Variants in CAMTA1 observed in about 807,000 individuals in gnomAD.
The protein encoded by CAMTA1 is calmodulin-binding transcription activator 1.
In CAMTA1, 27 loss-of-function variants were observed where a neutral mutation model predicts 170.9. That is an observed-to-expected ratio of 0.16 (90% CI 0.12 to 0.22). CAMTA1 has a LOEUF of 0.22. Ranked by LOEUF, CAMTA1 falls within the 10% of genes least tolerant of loss-of-function variation. CAMTA1 has a pLI of 1.00. For synonymous variants in CAMTA1, 833 were observed against 891.5 expected (o/e 0.93, Z 1.17); for missense variants, 1,619 against 2,217.2 (o/e 0.73, Z 5.42).
At chr1:7,071,538 A>G (rs973563490) in intron 3 of CAMTA1, among the ~76,000 whole-genome samples, 2 of 152,236 alleles carry the variant, frequency 1.3e-5, no homozygotes, top group Non-Finnish European at 2.9e-5. Flanking sequence ...TAGTTTTACA[A>G]GGTGATGTGT....
chr1:7,705,916 CG>C (rs2096519226), intron 11 of CAMTA1, among the ~76,000 whole-genome samples: 1 of 152,134 alleles, frequency 6.6e-6, no homozygotes, highest in South Asian at 2.1e-4. Flanking sequence ...GATAGATGCT[CG>C]GGGTGGCCCT....
At chr1:6,845,539 T>A (rs1657757572) in intron 3 of CAMTA1, among the ~76,000 whole-genome samples, 1 of 152,262 alleles carries the variant, frequency 6.6e-6, no homozygotes, top group Non-Finnish European at 1.5e-5. Context: ...GTGGACTTTA[T>A]GATTTGTGAA....
In CAMTA1 at chr1:7,663,480, C is replaced by G. The variant is rs369241461; in HGVS notation, c.933C>G (p.Gly311=). 1 of 1,597,374 alleles carries G rather than the reference C, an allele frequency of 6.3e-7. No homozygotes were observed. Among genetic ancestry groups the G allele is most frequent in the Admixed American group, 1.7e-5 (1 of 59,516 alleles). The part of the protein sequence containing the change: ...SEVQHNDVSE[G]KHEHSHSKGS... ...TGCAGCACAATGACGTGTCGGAGGG[C>G]AAGCACGAGCACAGCCACAGCAAGG... Residue 311 remains glycine, a synonymous_variant, in exon 9 of 23, where the codon GGC becomes GGG. Coordinates refer to ENST00000303635, the MANE Select transcript of CAMTA1 (RefSeq NM_015215.4).
At chr1:6,888,492 A>G (rs1347400400) in intron 3 of CAMTA1, among the ~76,000 whole-genome samples, 3 of 152,246 alleles carry the variant, frequency 2.0e-5, no homozygotes, top group Admixed American at 1.3e-4. Flanking sequence ...ATACTGTAAT[A>G]TCGACATCTA....
chr1:7,037,167 T>A (rs1278513403), intron 3 of CAMTA1, among the ~76,000 whole-genome samples: 1 of 152,254 alleles, frequency 6.6e-6, no homozygotes, highest in East Asian at 1.9e-4. Context: ...CTCATTTGTT[T>A]AGTTCTTTCT....
Position 7,664,484 on chromosome 1 carries a change from C to T in CAMTA1, c.1937C>T (p.Thr646Met), listed in dbSNP as rs747163340. ...TCTGGGGGCACCTTCGTGATGCCCACGGTGAAAACGGAGGCCTCGTCCCAA... is the reference window on the plus strand; with the variant it reads ...TCTGGGGGCACCTTCGTGATGCCCATGGTGAAAACGGAGGCCTCGTCCCAA... ...SDSGGTFVMP[T>M]VKTEASSQTS... The change falls in exon 9 of 23, where the codon ACG becomes ATG. Residue 646 changes from threonine (T) to methionine (M), a missense_variant. Thr to Met is a moderately conservative substitution (Grantham distance 81, BLOSUM62 -1). This residue lies in a region of CAMTA1 where 731 missense variants were observed against 907.6 expected (regional missense o/e 0.81). Coordinates refer to ENST00000303635, the MANE Select transcript of CAMTA1 (RefSeq NM_015215.4). 3 of 1,613,314 alleles carry T rather than the reference C, an allele frequency of 1.9e-6. No homozygotes were observed. The highest frequency in any genetic ancestry group is 2.2e-5 in the East Asian group (1 of 44,874).
At chr1:7,072,714 G>C (rs1274668149) in intron 3 of CAMTA1, among the ~76,000 whole-genome samples, 1 of 152,212 alleles carries the variant, frequency 6.6e-6, no homozygotes, top group Non-Finnish European at 1.5e-5. Context: ...GGGACCATTT[G>C]AGCTGTGACC....
At position 7,064,649 on chromosome 1, in the gene CAMTA1, C is replaced by T. The variant is rs1708729643; in HGVS notation, c.235-26655C>T. Among the ~76,000 whole-genome samples, 1 of 150,350 alleles carries T rather than the reference C, an allele frequency of 6.7e-6. No individual in the cohort carries two copies. Among genetic ancestry groups the T allele is most frequent in the African/African-American group, 2.5e-5 (1 of 40,678 alleles). ...GGATTTTGGGTGAAGAGAACGGCTA[C>T]AGCAAACAGATGGGAAAGACTGAAG... On this transcript the variant is annotated intron_variant, in intron 3 of 22. Coordinates refer to ENST00000303635, the MANE Select transcript of CAMTA1 (RefSeq NM_015215.4). This position sits in a 1 kb window ranked among gnomAD's most constrained non-coding sequence, Gnocchi z 5.4.
intron 5 of CAMTA1, among the ~76,000 whole-genome samples, chr1:7,297,731 C>T (rs1317114553): frequency 2.0e-5 from 3 of 152,218 alleles, no homozygotes; most frequent in Non-Finnish European, 4.4e-5. Context: ...GCTGCTGTGC[C>T]CCATCGTCCT....
chr1:7,545,957 C>CTTTT (rs70987353), intron 6 of CAMTA1, among the ~76,000 whole-genome samples: 7 of 131,514 alleles, frequency 5.3e-5, no homozygotes, highest in Non-Finnish European at 9.6e-5. Flanking sequence ...CTTTTCTTTT[C>CTTTT]TTTTTTTTTT....
chr1:6,861,283 C>T (rs1300797488), intron 3 of CAMTA1, among the ~76,000 whole-genome samples: 4 of 152,124 alleles, frequency 2.6e-5, no homozygotes, highest in Admixed American at 6.6e-5. Flanking sequence ...AGTAGAGATT[C>T]ATTTGTCTAA....
At chr1:7,360,134 A>T (rs532450793) in intron 5 of CAMTA1, among the ~76,000 whole-genome samples, 2 of 152,258 alleles carry the variant, frequency 1.3e-5, no homozygotes, top group Admixed American at 6.5e-5. Context: ...AATCAGTCAT[A>T]TTGGATTAGT....
intron 6 of CAMTA1, among the ~76,000 whole-genome samples, chr1:7,597,458 G>A (rs1014682517): frequency 1.3e-5 from 2 of 152,228 alleles, no homozygotes; most frequent in African/African-American, 4.8e-5. Context: ...GCTTGGCCCT[G>A]AACTTCGCAA....
At chr1:7,200,823 G>A (rs1287853925) in intron 4 of CAMTA1, among the ~76,000 whole-genome samples, 1 of 152,182 alleles carries the variant, frequency 6.6e-6, no homozygotes, top group African/African-American at 2.4e-5. Flanking sequence ...AGTATCTCAT[G>A]AGGTGGTACT....
chr1:7,461,830 AG>A (rs1405340821), intron 5 of CAMTA1, among the ~76,000 whole-genome samples: 3 of 152,264 alleles, frequency 2.0e-5, no homozygotes, highest in African/African-American at 4.8e-5. Context: ...GCTCATACTC[AG>A]GACCAGAAAA....
intron 6 of CAMTA1, among the ~76,000 whole-genome samples, chr1:7,543,510 A>C (rs1430242109): frequency 6.6e-6 from 1 of 152,200 alleles, no homozygotes; most frequent in Non-Finnish European, 1.5e-5. Context: ...TATTTTTAGC[A>C]TTCTGTGTTT....
intron 7 of CAMTA1, among the ~76,000 whole-genome samples, chr1:7,661,335 T>C (rs542321828): frequency 1.3e-4 from 20 of 152,272 alleles, no homozygotes; most frequent in Non-Finnish European, 2.1e-4. Flanking sequence ...CACAAGAAGC[T>C]CACAGGCTGG....
At chr1:7,417,076 G>T (rs1356241762) in intron 5 of CAMTA1, among the ~76,000 whole-genome samples, 1 of 151,312 alleles carries the variant, frequency 6.6e-6, no homozygotes, top group Non-Finnish European at 1.5e-5. Flanking sequence ...GAACAGCGGT[G>T]GCTGTAGAAC....
intron 5 of CAMTA1, among the ~76,000 whole-genome samples, chr1:7,445,830 G>T (rs2092665213): frequency 6.6e-6 from 1 of 152,170 alleles, no homozygotes; most frequent in South Asian, 2.1e-4. Flanking sequence ...CATCACTGAG[G>T]CTAGGAGATG....
Sources: allele counts gnomAD v4.1 joint callset (sites outside exome capture counted in the v4.1 genomes callset), GRCh38; gene constraint gnomAD v4.1.1; regional missense constraint gnomAD v4.1.1; non-coding constraint Gnocchi (gnomAD v3.1); transcripts MANE v1.5; gene names NCBI Gene and HGNC (gene_info 2026-07-23, HGNC 2026-07-21).